Variants in PAQR7 observed in about 807,000 individuals in gnomAD.
The protein encoded by PAQR7 is membrane progestin receptor alpha.
In PAQR7, 14 loss-of-function variants were observed where a neutral mutation model predicts 24.6. That is an observed-to-expected ratio of 0.57 (90% CI 0.38 to 0.89). PAQR7 has a LOEUF of 0.89. PAQR7 is among the 40% of genes least tolerant of loss of function. PAQR7 has a pLI of 0.00. For synonymous variants in PAQR7, 189 were observed against 198.8 expected (o/e 0.95, Z 0.42); for missense variants, 351 against 444.0 (o/e 0.79, Z 1.88).
rs1318504557 is a variant in PAQR7, at chr1:25,875,627, G to C, written c.-248C>G. 6.6e-6 allele frequency among the ~76,000 whole-genome samples: 1 copy of C among 150,736 alleles called. No homozygotes were observed. Among genetic ancestry groups the C allele is most frequent in the South Asian group, 2.1e-4 (1 of 4,770 alleles). ...GCGCTCTGGCTACAGCCGCCTCCGC[G>C]GGCCCAGGCGACGCCGAGCGCCCCG... On this transcript the variant is annotated 5_prime_UTR_variant, in exon 1 of 3. Coordinates refer to ENST00000675840, the MANE Select transcript of PAQR7 (RefSeq NM_178422.6). This position sits in a 1 kb window ranked among gnomAD's most constrained non-coding sequence, Gnocchi z 5.4.
chr1:25,868,046 A>C (rs1201747978), intron 2 of PAQR7, among the ~76,000 whole-genome samples: 2 of 152,204 alleles, frequency 1.3e-5, no homozygotes, highest in Admixed American at 1.3e-4. Context: ...CTGGTTGGGG[A>C]GCCAGTTCTG....
In PAQR7 at chr1:25,869,761, C is replaced by A. The variant is rs149219971; in HGVS notation, c.-23+848G>T. ...TCCTGGTCTAAAGCAGGCAACCAGG[C>A]TCTTTCTTATAAATTACTTTCTTAG... On this transcript the variant is annotated intron_variant, in intron 2 of 2. Transcript: ENST00000675840. 4.2e-3 allele frequency among the ~76,000 whole-genome samples: 643 copies of A among 152,264 alleles called. 6 individuals carry two copies. The highest frequency in any genetic ancestry group is 0.015 in the African/African-American group (614 of 41,538).
chr1:25,867,327 G>C (rs1228006637), intron 2 of PAQR7, among the ~76,000 whole-genome samples: 2 of 152,226 alleles, frequency 1.3e-5, no homozygotes, highest in Non-Finnish European at 2.9e-5. Context: ...GAGCCACTGT[G>C]CTCTTAACCA....
chr1:25,865,478 C>T (rs1308026054), intron 2 of PAQR7, among the ~76,000 whole-genome samples: 2 of 151,604 alleles, frequency 1.3e-5, no homozygotes, highest in Non-Finnish European at 2.9e-5. Context: ...AGGTCGAGAC[C>T]AGCCTGACCA....
chr1:25,867,167 G>A, intron 2 of PAQR7, among the ~76,000 whole-genome samples: 1 of 151,926 alleles, frequency 6.6e-6, no homozygotes, highest in Non-Finnish European at 1.5e-5. Flanking sequence ...GGGGCTACAG[G>A]TACATGTTAC....
intron 2 of PAQR7, among the ~76,000 whole-genome samples, chr1:25,864,606 C>T (rs2048541593): frequency 6.6e-6 from 1 of 152,192 alleles, no homozygotes; most frequent in Non-Finnish European, 1.5e-5. Flanking sequence ...TCCTGTAATC[C>T]CAGCACTTTG....
chr1:25,863,991 A>G lies in PAQR7; in HGVS notation c.-22-130T>C, dbSNP rs752117317. The G allele has an allele frequency of 1.5e-6, 1 of 672,668 alleles. No individual in the cohort carries two copies. Among genetic ancestry groups the G allele is most frequent in the Non-Finnish European group, 2.5e-6 (1 of 405,090 alleles). 41.7% of individuals were successfully genotyped at this position (672,668 alleles called of 1,614,324 possible). ...CCTTATCCTTACACTCGGTTTAAGA[A>G]CAGAAGACTCATCCTATGGAATTCC... On this transcript the variant is annotated intron_variant, in intron 2 of 2. Transcript: ENST00000675840. This position sits in a 1 kb window ranked among gnomAD's most constrained non-coding sequence, Gnocchi z 6.1.
chr1:25,868,682 C>A (rs575060208), intron 2 of PAQR7, among the ~76,000 whole-genome samples: 1 of 146,504 alleles, frequency 6.8e-6, no homozygotes, highest in Non-Finnish European at 1.5e-5. Context: ...TGCACTCCAG[C>A]CTGGGTGACA....
chr1:25,865,590 A>G (rs1295338280), intron 2 of PAQR7, among the ~76,000 whole-genome samples: 1 of 152,080 alleles, frequency 6.6e-6, no homozygotes, highest in Non-Finnish European at 1.5e-5. Context: ...CGGGCGGATC[A>G]TGAGGTCAGG....
chr1:25,866,313 T>C (rs2048556659), intron 2 of PAQR7, among the ~76,000 whole-genome samples: 1 of 152,158 alleles, frequency 6.6e-6, no homozygotes. Flanking sequence ...TTAAGACCAC[T>C]ACAAGCTGCC....
At chr1:25,866,363 C>T (rs2048556996) in intron 2 of PAQR7, among the ~76,000 whole-genome samples, 1 of 152,194 alleles carries the variant, frequency 6.6e-6, no homozygotes, top group Non-Finnish European at 1.5e-5. Flanking sequence ...ATCCCACTTT[C>T]CCCTGACCTA....
intron 2 of PAQR7, among the ~76,000 whole-genome samples, chr1:25,864,130 G>C (rs554338501): frequency 6.6e-6 from 1 of 152,214 alleles, no homozygotes; most frequent in South Asian, 2.1e-4. Context: ...AACTAATAAG[G>C]CTCCCTGTCT....
rs1299467195 is a variant in PAQR7 at position 25,863,671 on chromosome 1, T to G, written c.169A>C (p.Thr57Pro). ...AGCGTGCGGAAATAGAAGCGCCAGGTCTGATGCAGCGGCCGGTAGCCCGCA... is the reference window on the plus strand; with the variant it reads ...AGCGTGCGGAAATAGAAGCGCCAGGGCTGATGCAGCGGCCGGTAGCCCGCA... ...IYAGYRPLHQ[T>P]WRFYFRTLFQ... is the part of the protein sequence containing the mutation. Residue 57 changes from threonine (T) to proline (P), a missense_variant, in exon 3 of 3, where the codon ACC becomes CCC. Thr to Pro is a conservative substitution (Grantham distance 38). Transcript: ENST00000675840. This position sits in a 1 kb window ranked among gnomAD's most constrained non-coding sequence, Gnocchi z 6.1. 1 of 1,614,046 alleles carries G rather than the reference T, an allele frequency of 6.2e-7. No individual in the cohort carries two copies. Among genetic ancestry groups the G allele is most frequent in the Non-Finnish European group, 8.5e-7 (1 of 1,180,016 alleles).
At position 25,875,643 on chromosome 1, in the gene PAQR7, G is replaced by C. The variant is rs2124207381; in HGVS notation, c.-264C>G. Among the ~76,000 whole-genome samples, 1 of 150,702 alleles carries C rather than the reference G, an allele frequency of 6.6e-6. No homozygotes were observed. Among genetic ancestry groups the C allele is most frequent in the South Asian group, 2.1e-4 (1 of 4,770 alleles). Reference sequence around the variant, plus strand: ...CGCCTCCGCGGGCCCAGGCGACGCCGAGCGCCCCGCACCCCGCCCGCCGCG... The same window carrying C: ...CGCCTCCGCGGGCCCAGGCGACGCCCAGCGCCCCGCACCCCGCCCGCCGCG... On this transcript the variant is annotated 5_prime_UTR_variant, in exon 1 of 3. Coordinates refer to ENST00000675840, the MANE Select transcript of PAQR7 (RefSeq NM_178422.6). This position sits in a 1 kb window ranked among gnomAD's most constrained non-coding sequence, Gnocchi z 5.4.
chr1:25,870,376 C>T (rs891169722), intron 2 of PAQR7, among the ~76,000 whole-genome samples: 10 of 152,204 alleles, frequency 6.6e-5, no homozygotes, highest in Admixed American at 2.0e-4. Context: ...ATGAGGGGCA[C>T]TAGGGGCGGG....
chr1:25,873,805 G>T (rs1174816777), intron 1 of PAQR7, among the ~76,000 whole-genome samples: 1 of 152,126 alleles, frequency 6.6e-6, no homozygotes, highest in Non-Finnish European at 1.5e-5. Flanking sequence ...TCCTGGGCTT[G>T]AGCAATCCTC....
chr1:25,874,114 C>G (rs2048626800), intron 1 of PAQR7, among the ~76,000 whole-genome samples: 1 of 151,830 alleles, frequency 6.6e-6, no homozygotes, highest in African/African-American at 2.4e-5. Flanking sequence ...AACTCCCAAC[C>G]TCAGGTGATC....
chr1:25,863,377 A>G lies in PAQR7; in HGVS notation c.463T>C (p.Leu155=). 6.2e-7 allele frequency: 1 copy of G among 1,614,270 alleles called. No individual in the cohort carries two copies. The highest frequency in any genetic ancestry group is 8.5e-7 in the Non-Finnish European group (1 of 1,180,046). Reference sequence around the variant, plus strand: ...TCGATAGCATAGTAGAAGTGTGCCAAGGCACTGCCAAACTGGTACACGGCC... The same window carrying G: ...TCGATAGCATAGTAGAAGTGTGCCAGGGCACTGCCAAACTGGTACACGGCC... ...GVAVYQFGSA[L]AHFYYAIEPA... The change falls in exon 3 of 3, where the codon TTG becomes CTG. Residue 155 remains leucine (L), a synonymous_variant. Transcript: ENST00000675840. The surrounding 1 kb of genome is among the most constrained non-coding windows in gnomAD (Gnocchi z 6.1).
chr1:25,866,744 T>C (rs1380342544), intron 2 of PAQR7, among the ~76,000 whole-genome samples: 1 of 152,142 alleles, frequency 6.6e-6, no homozygotes, highest in Non-Finnish European at 1.5e-5. Context: ...TGTTTGTTTG[T>C]TTGTTTGAGA....
Sources: allele counts gnomAD v4.1 joint callset (sites outside exome capture counted in the v4.1 genomes callset), GRCh38; gene constraint gnomAD v4.1.1; non-coding constraint Gnocchi (gnomAD v3.1); transcripts MANE v1.5; gene names NCBI Gene and HGNC (gene_info 2026-07-23, HGNC 2026-07-21).